Variants in ZC3H7A observed in about 807,000 individuals in gnomAD.
ZC3H7A encodes zinc finger CCCH-type containing 7A, also known as zinc finger CCCH domain-containing protein 7A.
Under a neutral mutation model 125.5 loss-of-function variants are expected in ZC3H7A, and 44 were observed. That is an observed-to-expected ratio of 0.35 (90% CI 0.28 to 0.45). The LOEUF (loss-of-function observed/expected upper bound fraction) is 0.45, where lower values mean the gene tolerates loss of function less well. ZC3H7A is among the 20% of genes least tolerant of loss of function. ZC3H7A has a pLI of 1.00. For missense variants in ZC3H7A, 977 were observed against 1,170.7 expected (o/e 0.83, Z 2.41); for synonymous variants, 399 against 391.2 (o/e 1.02, Z -0.23).
chr16:11,780,275 C>G (rs1449941770), intron 3 of ZC3H7A, among the ~76,000 whole-genome samples: 1 of 151,954 alleles, frequency 6.6e-6, no homozygotes, highest in African/African-American at 2.4e-5. Flanking sequence ...CACCTGCCAC[C>G]ACACTCGGCT....
chr16:11,779,889 G>T, intron 3 of ZC3H7A, among the ~76,000 whole-genome samples: 1 of 151,218 alleles, frequency 6.6e-6, no homozygotes, highest in Admixed American at 6.6e-5. Context: ...TTTTTTTAAT[G>T]GTATCCTCTT....
At chr16:11,782,229 T>C (rs2053184067) in intron 2 of ZC3H7A, 58 bp downstream of exon 2, 10 of 1,595,300 alleles carry the variant, frequency 6.3e-6, no homozygotes, top group African/African-American at 2.7e-5. Context: ...CCACAAAACA[T>C]ACATCCACAC....
chr16:11,760,138 A>AAAAAAAAAG (rs1567374763), intron 19 of ZC3H7A, among the ~76,000 whole-genome samples: 8 of 145,602 alleles, frequency 5.5e-5, no homozygotes, highest in Non-Finnish European at 9.1e-5. Context: ...AAAAAAAAAA[A>AAAAAAAAAG]AAAAAAAGAA....
At chr16:11,781,196 T>C (rs993945784) in intron 3 of ZC3H7A, among the ~76,000 whole-genome samples, 14 of 152,122 alleles carry the variant, frequency 9.2e-5, no homozygotes, top group African/African-American at 3.4e-4. Flanking sequence ...ATGGTCTCTG[T>C]CAAAACTACC....
intron 1 of ZC3H7A, among the ~76,000 whole-genome samples, chr16:11,794,351 A>C (rs1460532059): frequency 1.3e-5 from 2 of 152,108 alleles, no homozygotes; most frequent in Admixed American, 1.3e-4. Context: ...AACGAAAATC[A>C]CCTCATTTAA....
At chr16:11,781,778 A>G (rs1427606248) in intron 2 of ZC3H7A, among the ~76,000 whole-genome samples, 1 of 152,152 alleles carries the variant, frequency 6.6e-6, no homozygotes, top group African/African-American at 2.4e-5. Flanking sequence ...TAAAAATAGT[A>G]CAGAGCCACT....
Position 11,752,852 on chromosome 16 carries a change from CAT to C in ZC3H7A, c.2563-22_2563-21del, listed in dbSNP as rs747063555. The C allele has an allele frequency of 3.7e-6, 6 of 1,607,344 alleles. No homozygotes were observed. The South Asian group carries it at 6.6e-5, about 18-fold the overall frequency. ...GTCCACCTAATGTGCAGCAAAGACA[CAT>C]GTCCCATTAGTCACCTGATGTGAGA... is the stretch of plus-strand genomic sequence containing the variant. On this transcript the variant is annotated intron_variant, in intron 21 of 22. Transcript: ENST00000355758.
chr16:11,763,710 A>AATTATAT (rs2052794485), intron 15 of ZC3H7A, 51 bp from the exon 16 acceptor site: 1 of 225,070 alleles, frequency 4.4e-6, no homozygotes, highest in Non-Finnish European at 7.6e-6. Flanking sequence ...AGATTTTTCA[A>AATTATAT]ATATATATAT....
chr16:11,794,618 T>C (rs1172527124), intron 1 of ZC3H7A, among the ~76,000 whole-genome samples: 2 of 152,234 alleles, frequency 1.3e-5, no homozygotes, highest in Non-Finnish European at 2.9e-5. Flanking sequence ...ATACTGTCTC[T>C]AGAAAGCCCT....
intron 1 of ZC3H7A, among the ~76,000 whole-genome samples, chr16:11,790,498 G>C (rs1043182387): frequency 2.0e-5 from 3 of 152,022 alleles, no homozygotes; most frequent in African/African-American, 7.2e-5. Flanking sequence ...TCAATCTTTT[G>C]ACTTTGGTTA....
intron 13 of ZC3H7A, among the ~76,000 whole-genome samples, chr16:11,766,624 T>A (rs1033795643): frequency 1.3e-5 from 2 of 152,152 alleles, no homozygotes; most frequent in Non-Finnish European, 2.9e-5. Flanking sequence ...GGCTCATGCC[T>A]GTAATCCTTA....
chr16:11,792,619 CGTATTAA>C (rs1378011476), intron 1 of ZC3H7A, among the ~76,000 whole-genome samples: 1 of 152,206 alleles, frequency 6.6e-6, no homozygotes, highest in Non-Finnish European at 1.5e-5. Context: ...ATGCTTTATA[CGTATTAA>C]GTCATTTAAT....
intron 4 of ZC3H7A, among the ~76,000 whole-genome samples, chr16:11,777,944 G>A (rs551538538): frequency 4.0e-5 from 6 of 150,910 alleles, no homozygotes; most frequent in African/African-American, 1.5e-4. Flanking sequence ...TCTTGAACCC[G>A]GGAGACGGAG....
At position 11,762,757 on chromosome 16, in the gene ZC3H7A, G is replaced by A. The variant is rs369497617; in HGVS notation, c.2003-10C>T. ...GCATCATGTGAGATACCTGGGGAAT[G>A]TACAAGCCTTCCTTTAAATTATATC... On this transcript the variant is annotated splice_polypyrimidine_tract_variant and intron_variant, in intron 16 of 22. Transcript: ENST00000355758. 1.2e-6 allele frequency: 2 copies of A among 1,612,898 alleles called. No individual in the cohort carries two copies. Among genetic ancestry groups the A allele is most frequent in the African/African-American group, 2.7e-5 (2 of 74,898 alleles).
intron 3 of ZC3H7A, among the ~76,000 whole-genome samples, chr16:11,780,816 T>C (rs1377752473): frequency 1.3e-5 from 2 of 152,178 alleles, no homozygotes; most frequent in African/African-American, 4.8e-5. Context: ...GACAAGAGTC[T>C]GCAGTCAAAG....
intron 22 of ZC3H7A, among the ~76,000 whole-genome samples, chr16:11,751,889 T>G (rs2141148309): frequency 6.6e-6 from 1 of 151,774 alleles, no homozygotes; most frequent in African/African-American, 2.4e-5. Flanking sequence ...TTACTTAGTT[T>G]TTCACTGAAA....
intron 1 of ZC3H7A, among the ~76,000 whole-genome samples, chr16:11,786,584 T>C (rs146864587): frequency 2.7e-4 from 41 of 152,278 alleles, no homozygotes; most frequent in African/African-American, 9.4e-4. Flanking sequence ...AAGTAAGTGA[T>C]TGAAAGGAAA....
rs1411505922 is a variant in ZC3H7A, at chr16:11,776,868, G to A, written c.348C>T (p.Leu116=). ...CTTTGCAGTTACTGGCATTTAAACT[G>A]AGGACTATATTGCAGTCCTCCAAAA... The part of the protein sequence containing the change: ...DKVLEDCNIV[L]SLNASNCKAL... The change falls in exon 5 of 23, where the codon CTC becomes CTT. Residue 116 remains leucine, a synonymous_variant. Coordinates refer to ENST00000355758, the MANE Select transcript of ZC3H7A (RefSeq NM_014153.4). 6.2e-7 allele frequency: 1 copy of A among 1,613,334 alleles called. No homozygotes were observed. The highest frequency in any genetic ancestry group is 1.7e-5 in the Admixed American group (1 of 59,832).
At chr16:11,779,531 A>G (rs2053139118) in intron 3 of ZC3H7A, among the ~76,000 whole-genome samples, 168 bp from the exon 4 acceptor site, 1 of 152,208 alleles carries the variant, frequency 6.6e-6, no homozygotes, top group Non-Finnish European at 1.5e-5. Flanking sequence ...TCAGCTAGGG[A>G]TTGAATCTTG....
Sources: gnomAD v4.1 joint callset for allele counts (sites outside exome capture counted in the v4.1 genomes callset) on GRCh38, gnomAD v4.1.1 for gene constraint, MANE v1.5 for transcripts, NCBI Gene and HGNC (gene_info 2026-07-23, HGNC 2026-07-21) for gene names.